Variants in RTTN observed in about 807,000 individuals in gnomAD.
RTTN encodes rotatin.
Under a neutral mutation model 269.2 loss-of-function variants are expected in RTTN, and 182 were observed. That is an observed-to-expected ratio of 0.68 (90% CI 0.60 to 0.76). RTTN has a LOEUF of 0.76. Ranked by LOEUF, RTTN falls within the 30% of genes least tolerant of loss-of-function variation. The pLI, the probability that RTTN is intolerant of heterozygous loss-of-function variation, is 0.00. For missense variants in RTTN, 2,545 were observed against 2,608.6 expected (o/e 0.98, Z 0.53); for synonymous variants, 1,006 against 963.5 (o/e 1.04, Z -0.82).
chr18:70,042,366 CTTTTTTTTTT>C (rs1017125527), intron 40 of RTTN, among the ~76,000 whole-genome samples: 4 of 78,068 alleles, frequency 5.1e-5, no homozygotes, highest in African/African-American at 9.8e-5. Flanking sequence ...TTGGAATTTT[CTTTTTTTTTT>C]TTTTTTTTTT....
chr18:70,038,171 A>G (rs950393162), intron 40 of RTTN, among the ~76,000 whole-genome samples: 1 of 152,188 alleles, frequency 6.6e-6, no homozygotes, highest in Non-Finnish European at 1.5e-5. Flanking sequence ...GGACCTGCTC[A>G]GGGTCTGGGG....
intron 40 of RTTN, among the ~76,000 whole-genome samples, chr18:70,047,621 A>G (rs929241666): frequency 9.2e-5 from 14 of 152,238 alleles, no homozygotes; most frequent in African/African-American, 3.4e-4. Context: ...AGACGTAGAT[A>G]TATCTTTAAA....
chr18:70,187,487 A>G (rs1400561677), intron 10 of RTTN, among the ~76,000 whole-genome samples: 1 of 152,176 alleles, frequency 6.6e-6, no homozygotes, highest in African/African-American at 2.4e-5. Context: ...ATTTTTATGA[A>G]GAAAAAACAA....
rs2058750371 is a variant in RTTN, at chr18:70,088,124, T to C, written c.4167A>G (p.Leu1389=). 6.2e-7 allele frequency: 1 copy of C among 1,613,062 alleles called. No individual in the cohort carries two copies. The highest frequency in any genetic ancestry group is 1.1e-5 in the South Asian group (1 of 90,902). Residue 1389 remains leucine, a synonymous_variant, in exon 31 of 49, where the codon TTA becomes TTG. Coordinates refer to ENST00000640769, the MANE Select transcript of RTTN (RefSeq NM_173630.4). ...TTTCAAGGGTGGTCAGTGCTGATCC[T>C]AATCCCAGTGAAGTGAATCTCACCT... is the stretch of plus-strand genomic sequence containing the variant. ...DPEVRFTSLG[L]GSALTTLETG...
chr18:70,040,706 G>A (rs571073775), intron 40 of RTTN, among the ~76,000 whole-genome samples: 1 of 152,282 alleles, frequency 6.6e-6, no homozygotes, highest in South Asian at 2.1e-4. Flanking sequence ...CATTCTGTAG[G>A]ATATTCCATA....
chr18:70,063,382 C>T (rs935636040), intron 35 of RTTN, among the ~76,000 whole-genome samples: 1 of 152,120 alleles, frequency 6.6e-6, no homozygotes, highest in African/African-American at 2.4e-5. Context: ...ATTATCTTTT[C>T]ATGTTTTCTG....
chr18:70,005,132 AT>A, intron 48 of RTTN, 65 bp downstream of exon 48: 1 of 1,230,690 alleles, frequency 8.1e-7, no homozygotes, highest in Non-Finnish European at 1.2e-6. Flanking sequence ...CAAATATCTC[AT>A]TAATCAGAAA....
chr18:70,077,758 A>G (rs770527414), intron 32 of RTTN, among the ~76,000 whole-genome samples: 11 of 151,914 alleles, frequency 7.2e-5, no homozygotes, highest in Admixed American at 1.3e-4. Flanking sequence ...CTATCAAATA[A>G]AGTTTAGAAT....
intron 10 of RTTN, among the ~76,000 whole-genome samples, chr18:70,186,440 A>C (rs1221798060): frequency 6.6e-6 from 1 of 152,198 alleles, no homozygotes; most frequent in Non-Finnish European, 1.5e-5. Context: ...CAAGTGAGGA[A>C]CTGCTGTACT....
At chr18:70,145,564 A>G (rs771829796) in intron 18 of RTTN, 48 bp downstream of exon 18, 9 of 1,367,032 alleles carry the variant, frequency 6.6e-6, no homozygotes, top group Non-Finnish European at 9.0e-6. Context: ...CATGATATAA[A>G]AATGTATCAA....
At chr18:70,165,971 C>T in intron 14 of RTTN, 91 bp downstream of exon 14, 3 of 1,302,900 alleles carry the variant, frequency 2.3e-6, no homozygotes, top group Non-Finnish European at 3.2e-6. Flanking sequence ...ATATCTCATA[C>T]AAAAGGTCAA....
chr18:70,150,718 G>A lies in RTTN; in HGVS notation c.1945C>T (p.His649Tyr). ...LEITKECLGV[H>Y]NVTKPVSSLC... ...GAAGACACGGGTTTAGTGACATTATGGACACCTAAACATTCCTGTAAAATA... is the reference window on the plus strand; with the variant it reads ...GAAGACACGGGTTTAGTGACATTATAGACACCTAAACATTCCTGTAAAATA... Residue 649 changes from histidine (H) to tyrosine (Y), a missense_variant, in exon 15 of 49, where the codon CAT becomes TAT. By Grantham distance (83) the His-to-Tyr change is moderately conservative (BLOSUM62 2). Coordinates refer to ENST00000640769, the MANE Select transcript of RTTN (RefSeq NM_173630.4). 2 of 1,600,790 alleles carry A rather than the reference G, an allele frequency of 1.2e-6. No individual in the cohort carries two copies. Among genetic ancestry groups the A allele is most frequent in the Non-Finnish European group, 8.5e-7 (1 of 1,169,624 alleles).
In RTTN at chr18:70,196,640, T is replaced by C; in HGVS notation, c.702A>G (p.Leu234=). 1 of 1,609,492 alleles carries C rather than the reference T, an allele frequency of 6.2e-7. No homozygotes were observed. Among genetic ancestry groups the C allele is most frequent in the South Asian group, 1.1e-5 (1 of 90,034 alleles). Residue 234 remains leucine (L), a synonymous_variant, in exon 7 of 49, where the codon TTA becomes TTG. Coordinates refer to ENST00000640769, the MANE Select transcript of RTTN (RefSeq NM_173630.4). The part of the protein sequence containing the change: ...LQRPKIVQSL[L]SLLKLAFGDG... ...CTCCAAAGGCCAGTTTCAACAGAGATAAAAGGCTCTGAAATCAAGAAGAGC... is the reference window on the plus strand; with the variant it reads ...CTCCAAAGGCCAGTTTCAACAGAGACAAAAGGCTCTGAAATCAAGAAGAGC...
chr18:70,090,650 C>A (rs1472875377), intron 30 of RTTN, among the ~76,000 whole-genome samples: 2 of 152,146 alleles, frequency 1.3e-5, no homozygotes, highest in Admixed American at 6.6e-5. Flanking sequence ...TTCAGAGATC[C>A]CCAGGCTGCT....
At chr18:70,092,241 CAG>C (rs748112435) in intron 29 of RTTN, 21 bp from the exon 30 acceptor site, 1 of 1,432,194 alleles carries the variant, frequency 7.0e-7, no homozygotes, top group South Asian at 1.2e-5. Context: ...AAAAGGGAAA[CAG>C]AAATATTTGA....
At chr18:70,111,127 C>T (rs967627888) in intron 27 of RTTN, among the ~76,000 whole-genome samples, 19 of 152,174 alleles carry the variant, frequency 1.2e-4, no homozygotes, top group Middle Eastern at 3.2e-3. Flanking sequence ...AGGCTGTGGG[C>T]GCAACTTCAT....
At chr18:70,196,292 T>C (rs2061803818) in intron 7 of RTTN, among the ~76,000 whole-genome samples, 1 of 68,564 alleles carries the variant, frequency 1.5e-5, no homozygotes, top group Non-Finnish European at 5.3e-5. Context: ...ATATCTCTTA[T>C]CCAGAAAAAA....
intron 14 of RTTN, among the ~76,000 whole-genome samples, chr18:70,155,627 A>G (rs1301463363): frequency 1.3e-5 from 2 of 152,160 alleles, no homozygotes; most frequent in African/African-American, 4.8e-5. Context: ...GAACTGCCCA[A>G]TGAGTTGCCA....
At chr18:70,098,839 T>C (rs2059075859) in intron 28 of RTTN, among the ~76,000 whole-genome samples, 1 of 152,172 alleles carries the variant, frequency 6.6e-6, no homozygotes, top group Admixed American at 6.5e-5. Context: ...TTCCCTACCC[T>C]GTTTCCAAGT....
Sources: gnomAD v4.1 joint callset for allele counts (sites outside exome capture counted in the v4.1 genomes callset) on GRCh38, gnomAD v4.1.1 for gene constraint, MANE v1.5 for transcripts, NCBI Gene and HGNC (gene_info 2026-07-23, HGNC 2026-07-21) for gene names.